Variants in CLMN observed in about 807,000 individuals in gnomAD.
CLMN encodes the protein calmin (calponin-like, transmembrane).
In CLMN, 57 loss-of-function variants were observed where a neutral mutation model predicts 92.7. That is an observed-to-expected ratio of 0.61 (90% CI 0.50 to 0.77). The LOEUF is 0.77. Ranked by LOEUF, CLMN falls within the 30% of genes least tolerant of loss-of-function variation. CLMN has a pLI of 0.00. For synonymous variants in CLMN, 466 were observed against 470.6 expected (o/e 0.99, Z 0.13); for missense variants, 1,158 against 1,237.5 (o/e 0.94, Z 0.96).
chr14:95,197,606 GC>G (rs527990300), intron 9 of CLMN, among the ~76,000 whole-genome samples: 1,977 of 152,274 alleles, frequency 0.013, 33 homozygotes, highest in African/African-American at 0.045. Context: ...TCTTCACTGT[GC>G]CTTTGGCCAA....
At chr14:95,268,492 T>C (rs1443207534) in intron 1 of CLMN, among the ~76,000 whole-genome samples, 4 of 151,228 alleles carry the variant, frequency 2.6e-5, no homozygotes, top group South Asian at 4.2e-4. Context: ...TTGCTGGGGG[T>C]AGTGACTGAG....
At chr14:95,281,092 A>T (rs149831439) in intron 1 of CLMN, among the ~76,000 whole-genome samples, 2 of 152,358 alleles carry the variant, frequency 1.3e-5, no homozygotes, top group East Asian at 1.9e-4. Context: ...TACCAGGCAA[A>T]ACAGGAATTA....
At chr14:95,271,104 T>C (rs756768679) in intron 1 of CLMN, among the ~76,000 whole-genome samples, 10 of 152,246 alleles carry the variant, frequency 6.6e-5, no homozygotes, top group African/African-American at 1.7e-4. Flanking sequence ...AATTCGTGTA[T>C]CTTCTATGAA....
chr14:95,236,243 T>C (rs1020644906), intron 1 of CLMN, among the ~76,000 whole-genome samples: 6 of 152,336 alleles, frequency 3.9e-5, no homozygotes, highest in East Asian at 3.9e-4. Context: ...TGAGGTGCTG[T>C]GTGGTGCACC....
intron 1 of CLMN, among the ~76,000 whole-genome samples, chr14:95,268,136 CTT>C (rs1001614733): frequency 3.3e-5 from 5 of 152,078 alleles, no homozygotes; most frequent in Non-Finnish European, 7.4e-5. Context: ...ATAATAATCT[CTT>C]ATATATTTCA....
chr14:95,292,428 T>TCCCCCCCCCCCCCCCCCC (rs1263766978), intron 1 of CLMN, among the ~76,000 whole-genome samples: 20 of 74,054 alleles, frequency 2.7e-4, no homozygotes, highest in Admixed American at 7.2e-4. Flanking sequence ...CCCCCAAGGG[T>TCCCCCCCCCCCCCCCCCC]CCCCCACCCC....
chr14:95,228,964 T>A (rs1176121199), intron 2 of CLMN, among the ~76,000 whole-genome samples: 1 of 152,206 alleles, frequency 6.6e-6, no homozygotes, highest in Non-Finnish European at 1.5e-5. Flanking sequence ...CATAAGCCAC[T>A]GTGCCCGGCC....
At chr14:95,263,856 C>A (rs937168743) in intron 1 of CLMN, among the ~76,000 whole-genome samples, 6 of 152,158 alleles carry the variant, frequency 3.9e-5, no homozygotes, top group Non-Finnish European at 8.8e-5. Flanking sequence ...AGAACTCACA[C>A]AAGTGACTGG....
chr14:95,218,577 T>C (rs1897426416), intron 4 of CLMN, among the ~76,000 whole-genome samples: 1 of 152,194 alleles, frequency 6.6e-6, no homozygotes, highest in Admixed American at 6.5e-5. Flanking sequence ...GACAGTGGGC[T>C]GAAATAATGG....
In CLMN at chr14:95,209,365, C is replaced by T. The variant is rs747489228; in HGVS notation, c.885+30G>A. 11 of 1,600,564 alleles carry T rather than the reference C, an allele frequency of 6.9e-6. No individual in the cohort carries two copies. In the African/African-American group the frequency reaches 8.0e-5, roughly 12 times the overall value. On this transcript the variant is annotated intron_variant, in intron 8 of 12. Transcript: ENST00000298912. ...GCCAGCGGATGGAAATGTATGGTGT[C>T]GGAATTAAAGGTAAGAAAAGCAAAC...
Position 95,293,543 on chromosome 14 carries a change from T to C in CLMN, c.82+26168A>G, listed in dbSNP as rs145902245. Among the ~76,000 whole-genome samples the C allele has an allele frequency of 7.6e-3, 1,154 of 152,166 alleles. 12 individuals are homozygous for C. The highest frequency in any genetic ancestry group is 0.012 in the Non-Finnish European group (847 of 68,000). On this transcript the variant is annotated intron_variant, in intron 1 of 12. Transcript: ENST00000298912. ...CAGTCTGTCAGCCTCTGATCTTCACTGTCATTCTCTATGGATTCAAGACCA... is the reference window on the plus strand; with the variant it reads ...CAGTCTGTCAGCCTCTGATCTTCACCGTCATTCTCTATGGATTCAAGACCA...
intron 1 of CLMN, among the ~76,000 whole-genome samples, chr14:95,274,524 A>C (rs1248304121): frequency 6.6e-6 from 1 of 152,074 alleles, no homozygotes; most frequent in Non-Finnish European, 1.5e-5. Flanking sequence ...ACTCCCCATC[A>C]GGTTCCTGGC....
At chr14:95,253,861 G>A (rs185780476) in intron 1 of CLMN, among the ~76,000 whole-genome samples, 9 of 152,162 alleles carry the variant, frequency 5.9e-5, no homozygotes, top group East Asian at 1.9e-4. Context: ...TGATCCGCCC[G>A]CCTCGGCCTC....
rs756649244 is a variant in CLMN, at chr14:95,259,848, C to T, written c.83-29715G>A. On this transcript the variant is annotated intron_variant, in intron 1 of 12. Transcript: ENST00000298912. This position sits in a 1 kb window ranked among gnomAD's most constrained non-coding sequence, Gnocchi z 4.3. The stretch of plus-strand genomic sequence containing the variant: ...TGCACCTGCGTTTCCTCTCCCCACA[C>T]CCACCTGGACGGCTATTCCCTTGCG... 1.6e-4 allele frequency among the ~76,000 whole-genome samples: 24 copies of T among 152,226 alleles called. No individual in the cohort carries two copies. The highest frequency in any genetic ancestry group is 3.3e-4 in the Admixed American group (5 of 15,282).
At chr14:95,235,868 G>C (rs1898036884) in intron 1 of CLMN, among the ~76,000 whole-genome samples, 1 of 152,194 alleles carries the variant, frequency 6.6e-6, no homozygotes, top group African/African-American at 2.4e-5. Flanking sequence ...CGCTCGCCCA[G>C]ACGTTCGGGC....
At chr14:95,251,328 C>T (rs928118652) in intron 1 of CLMN, among the ~76,000 whole-genome samples, 1 of 152,162 alleles carries the variant, frequency 6.6e-6, no homozygotes, top group African/African-American at 2.4e-5. Flanking sequence ...ATATTCTCAC[C>T]GGCCAACCCT....
chr14:95,231,205 TTTTTTTTTTG>T, intron 1 of CLMN, among the ~76,000 whole-genome samples: 1 of 151,030 alleles, frequency 6.6e-6, no homozygotes, highest in Non-Finnish European at 1.5e-5. Flanking sequence ...TTTTTTTTTT[TTTTTTTTTTG>T]ATACAGAGTC....
At chr14:95,273,277 T>C (rs867050881) in intron 1 of CLMN, among the ~76,000 whole-genome samples, 1 of 152,102 alleles carries the variant, frequency 6.6e-6, no homozygotes, top group South Asian at 2.1e-4. Context: ...CCAGGACCGC[T>C]CTGGGGAGAT....
At chr14:95,317,876 T>G (rs1200540196) in intron 1 of CLMN, among the ~76,000 whole-genome samples, 1 of 152,208 alleles carries the variant, frequency 6.6e-6, no homozygotes, top group East Asian at 1.9e-4. Flanking sequence ...ATTTATTTTT[T>G]TAATGGCAAA....
Sources: gnomAD v4.1 joint callset for allele counts (sites outside exome capture counted in the v4.1 genomes callset) on GRCh38, gnomAD v4.1.1 for gene constraint, Gnocchi (gnomAD v3.1) non-coding constraint, MANE v1.5 for transcripts, NCBI Gene and HGNC (gene_info 2026-07-23, HGNC 2026-07-21) for gene names.